Variants in UBE2E1 observed in about 807,000 individuals in gnomAD.
UBE2E1 encodes ubiquitin conjugating enzyme E2 E1, also known as ubiquitin-conjugating enzyme E2 E1.
UBE2E1 carries 6 observed loss-of-function variants against 21.4 expected under a neutral mutation model. The observed-to-expected ratio is 0.28, with a 90% CI of 0.15 to 0.55. UBE2E1 has a LOEUF of 0.55. UBE2E1 is among the 20% of genes least tolerant of loss of function. The probability of loss-of-function intolerance (pLI) is 0.93; values close to 1 mark genes in which losing one functional copy is unlikely to be tolerated. For missense variants in UBE2E1, 142 were observed against 236.5 expected (o/e 0.60, Z 2.62); for synonymous variants, 87 against 82.7 (o/e 1.05, Z -0.28).
chr3:23,840,094 A>T (rs554232663), intron 3 of UBE2E1, among the ~76,000 whole-genome samples: 1 of 152,164 alleles, frequency 6.6e-6, no homozygotes, highest in South Asian at 2.1e-4. Context: ...TAATTTCAGT[A>T]TATGTTTAAT....
chr3:23,871,166 A>C (rs1001758256), intron 3 of UBE2E1, among the ~76,000 whole-genome samples: 28 of 151,992 alleles, frequency 1.8e-4, no homozygotes, highest in Non-Finnish European at 3.4e-4. Flanking sequence ...CATTGTCATC[A>C]TGGCCCGTTC....
chr3:23,840,033 A>G (rs1700052917), intron 3 of UBE2E1, among the ~76,000 whole-genome samples: 1 of 152,060 alleles, frequency 6.6e-6, no homozygotes, highest in African/African-American at 2.4e-5. Flanking sequence ...AATAATTTTT[A>G]TGGCTGACTT....
intron 3 of UBE2E1, among the ~76,000 whole-genome samples, chr3:23,832,997 G>A (rs150263686): frequency 2.0e-5 from 3 of 152,312 alleles, no homozygotes; most frequent in African/African-American, 7.2e-5. Flanking sequence ...TTGTGCCATT[G>A]TACTCCAGCC....
chr3:23,839,021 A>G (rs1054705514), intron 3 of UBE2E1, among the ~76,000 whole-genome samples: 1 of 151,924 alleles, frequency 6.6e-6, no homozygotes, highest in Non-Finnish European at 1.5e-5. Context: ...CGTTCACGTG[A>G]TAATTATACC....
At position 23,890,656 on chromosome 3, in the gene UBE2E1, G is replaced by A. The variant is rs368666445; in HGVS notation, c.*50G>A. ...TATTTGTCTGTCACAGAAGAGAGCT[G>A]CTTATGATTTTGAAGGGGTCAGGGA... On this transcript the variant is annotated 3_prime_UTR_variant, in exon 6 of 6. Coordinates refer to ENST00000306627, the MANE Select transcript of UBE2E1 (RefSeq NM_003341.5). 3 of 1,568,310 alleles carry A rather than the reference G, an allele frequency of 1.9e-6. No individual in the cohort carries two copies. The highest frequency in any genetic ancestry group is 1.7e-6 in the Non-Finnish European group (2 of 1,146,596).
rs1357557487 is a variant in UBE2E1, at chr3:23,810,437, G to T, written c.153-1023G>T. ...TTGGTGCGGAGGGAGAAAACTGCAG[G>T]TCTCCAGTCTATCCCCAGTGTGAGC... is the stretch of plus-strand genomic sequence containing the variant. On this transcript the variant is annotated intron_variant, in intron 2 of 5. Transcript: ENST00000306627. The surrounding 1 kb of genome is among the most constrained non-coding windows in gnomAD (Gnocchi z 5.8). The T allele has an allele frequency of 3.9e-6, 6 of 1,535,406 alleles. No individual in the cohort carries two copies. The highest frequency in any genetic ancestry group is 1.2e-5 in the South Asian group (1 of 84,048).
chr3:23,861,584 A>G (rs919876937), intron 3 of UBE2E1, among the ~76,000 whole-genome samples: 2 of 152,016 alleles, frequency 1.3e-5, no homozygotes, highest in African/African-American at 4.8e-5. Flanking sequence ...GCCTATAAAA[A>G]CCCCAAGACC....
chr3:23,850,527 A>ATTTT (rs145682143), intron 3 of UBE2E1, among the ~76,000 whole-genome samples: 53 of 149,146 alleles, frequency 3.6e-4, no homozygotes, highest in African/African-American at 1.2e-3. Flanking sequence ...TATTATTATT[A>ATTTT]TTTTTTTTTG....
intron 2 of UBE2E1, among the ~76,000 whole-genome samples, chr3:23,809,262 A>G (rs1559472964): frequency 6.6e-6 from 1 of 152,228 alleles, no homozygotes; most frequent in Non-Finnish European, 1.5e-5. Context: ...AAAAGGTAAA[A>G]AAATGGAGAG....
intron 3 of UBE2E1, among the ~76,000 whole-genome samples, chr3:23,873,292 C>G (rs1248175336): frequency 6.6e-6 from 1 of 152,148 alleles, no homozygotes; most frequent in East Asian, 1.9e-4. Context: ...TAGTTTTTCC[C>G]TGATGATGTA....
In UBE2E1 at chr3:23,807,352, C is replaced by T. The variant is rs760518877; in HGVS notation, c.83C>T (p.Thr28Ile). 14 of 1,613,988 alleles carry T rather than the reference C, an allele frequency of 8.7e-6. No homozygotes were observed. The highest frequency in any genetic ancestry group is 1.1e-5 in the South Asian group (1 of 91,040). ...CAGCAAACCGAGAAAGAAACAAACA[C>T]CCCCAAGAAGAAGGAGAGTAAAGTC... ...SNQQTEKETN[T>I]PKKKESKVSM... The change falls in exon 2 of 6, where the codon ACC becomes ATC. Residue 28 changes from threonine (T) to isoleucine (I), a missense_variant. Around this residue, in one of 2 missense-constraint regions of UBE2E1, gnomAD observed 55 missense variants for 51.5 expected, o/e 1.07. Coordinates refer to ENST00000306627, the MANE Select transcript of UBE2E1 (RefSeq NM_003341.5).
intron 3 of UBE2E1, among the ~76,000 whole-genome samples, chr3:23,858,696 C>G (rs1700491564): frequency 6.6e-6 from 1 of 152,174 alleles, no homozygotes; most frequent in South Asian, 2.1e-4. Context: ...AATGCTTTCT[C>G]TTATTCTTAC....
At chr3:23,861,816 C>T (rs1009012719) in intron 3 of UBE2E1, among the ~76,000 whole-genome samples, 1 of 152,184 alleles carries the variant, frequency 6.6e-6, no homozygotes. Context: ...TTCTGGCTGC[C>T]CCATCTGCTG....
chr3:23,828,994 T>C (rs2125292178), intron 3 of UBE2E1, among the ~76,000 whole-genome samples: 1 of 152,044 alleles, frequency 6.6e-6, no homozygotes, highest in Non-Finnish European at 1.5e-5. Flanking sequence ...GGGTGAAAAA[T>C]AAAAGCCCTC....
rs1043953274 is a variant in UBE2E1 at position 23,882,595 on chromosome 3, G to A, written c.204-4972G>A. On this transcript the variant is annotated intron_variant, in intron 3 of 5. Coordinates refer to ENST00000306627, the MANE Select transcript of UBE2E1 (RefSeq NM_003341.5). ...CGCGGAGCAGGGGGTGGTCCCCATC[G>A]GGGAGGCTCAGGCCACGTGGGAGCC... Among the ~76,000 whole-genome samples, 17 of 150,708 alleles carry A rather than the reference G, an allele frequency of 1.1e-4. 1 individual carries two copies. Among genetic ancestry groups the A allele is most frequent in the South Asian group, 4.5e-4 (2 of 4,404 alleles).
intron 3 of UBE2E1, among the ~76,000 whole-genome samples, chr3:23,840,476 C>G (rs1700062593): frequency 6.6e-6 from 1 of 152,254 alleles, no homozygotes; most frequent in East Asian, 1.9e-4. Context: ...TGCTTTTAAG[C>G]TTTTAAGGCC....
chr3:23,861,348 G>T (rs887227598), intron 3 of UBE2E1, among the ~76,000 whole-genome samples: 7 of 152,168 alleles, frequency 4.6e-5, no homozygotes, highest in Admixed American at 2.6e-4. Flanking sequence ...GATGTTTTCA[G>T]TGTTTGGAGT....
intron 3 of UBE2E1, among the ~76,000 whole-genome samples, chr3:23,871,301 A>G (rs867447345): frequency 1.1e-3 from 43 of 37,428 alleles, no homozygotes; most frequent in African/African-American, 1.8e-3. Flanking sequence ...CTGGCCGGGC[A>G]GAGGAGCTCC....
intron 2 of UBE2E1, 122 bp from the exon 3 acceptor site, chr3:23,811,338 T>C: frequency 2.2e-6 from 2 of 908,252 alleles, no homozygotes; most frequent in Non-Finnish European, 3.6e-6. Context: ...GTGTAGTTCC[T>C]CTTTGCCCAG....
Sources: allele counts gnomAD v4.1 joint callset (sites outside exome capture counted in the v4.1 genomes callset), GRCh38; gene constraint gnomAD v4.1.1; regional missense constraint gnomAD v4.1.1; non-coding constraint Gnocchi (gnomAD v3.1); transcripts MANE v1.5; gene names NCBI Gene and HGNC (gene_info 2026-07-23, HGNC 2026-07-21).